Variants in CHLSN observed in about 807,000 individuals in gnomAD.
The protein encoded by CHLSN is protein cholesin.
chr7:1,065,090 C>A, the CHLSN span, among the ~76,000 whole-genome samples: 1 of 152,210 alleles, frequency 6.6e-6, no homozygotes, highest in South Asian at 2.1e-4. Context: ...AGGCCCTGGG[C>A]AGGAGGAAAC....
chr7:996,825 G>A, the CHLSN span, among the ~76,000 whole-genome samples: 1,987 of 152,346 alleles, frequency 0.013, 23 homozygotes, highest in Non-Finnish European at 0.021. Flanking sequence ...GGAAACGGCC[G>A]GCCTGAACGC....
chr7:1,049,073 G>A, the CHLSN span, among the ~76,000 whole-genome samples: 3 of 152,204 alleles, frequency 2.0e-5, no homozygotes, highest in Non-Finnish European at 2.9e-5. Flanking sequence ...GGCCTCCGCG[G>A]TCTGACCCTG....
chr7:1,062,279 A>C, the CHLSN span, among the ~76,000 whole-genome samples: 5 of 148,930 alleles, frequency 3.4e-5, no homozygotes, highest in Middle Eastern at 3.6e-3. Flanking sequence ...GAGATCAGGA[A>C]ATCTACACAC....
the CHLSN span, chr7:986,740 C>T: frequency 2.2e-5 from 36 of 1,609,116 alleles, no homozygotes; most frequent in East Asian, 2.7e-4. Context: ...GGAGGCCCCA[C>T]GTGTGCCCGG....
At chr7:1,008,966 T>C in the CHLSN span, among the ~76,000 whole-genome samples, 1 of 150,218 alleles carries the variant, frequency 6.7e-6, no homozygotes, top group African/African-American at 2.5e-5. Context: ...CGAACACACA[T>C]GCGTGCACAC....
chr7:1,014,237 G>T, the CHLSN span, among the ~76,000 whole-genome samples: 1 of 152,270 alleles, frequency 6.6e-6, no homozygotes, highest in African/African-American at 2.4e-5. Flanking sequence ...GCACCTTCCA[G>T]AGAAGAGAGC....
At chr7:1,010,162 A>G in the CHLSN span, 4 of 1,597,316 alleles carry the variant, frequency 2.5e-6, no homozygotes, top group Non-Finnish European at 3.4e-6. Context: ...CAAGGAACAC[A>G]TTAGGCTTCG....
At chr7:1,120,440 C>T in the CHLSN span, among the ~76,000 whole-genome samples, 9 of 152,096 alleles carry the variant, frequency 5.9e-5, no homozygotes, top group African/African-American at 9.7e-5. Flanking sequence ...TACAGGTGCA[C>T]GCCACCATGC....
At chr7:1,113,051 C>T in the CHLSN span, among the ~76,000 whole-genome samples, 7 of 152,170 alleles carry the variant, frequency 4.6e-5, no homozygotes, top group African/African-American at 1.4e-4. Flanking sequence ...GTATCTTGAC[C>T]GCCACAGTGG....
At chr7:981,508 G>A in the CHLSN span, among the ~76,000 whole-genome samples, 1 of 151,564 alleles carries the variant, frequency 6.6e-6, no homozygotes, top group Admixed American at 6.6e-5. Context: ...GAGGTCAAGA[G>A]ATCGAGACTG....
chr7:984,871 G>GC, the CHLSN span: 7 of 1,502,972 alleles, frequency 4.7e-6, no homozygotes, highest in Non-Finnish European at 5.3e-6. Context: ...CTGTCAGCCT[G>GC]CTCACTTCCT....
chr7:1,106,507 G>C, the CHLSN span, among the ~76,000 whole-genome samples: 4 of 151,650 alleles, frequency 2.6e-5, no homozygotes, highest in Admixed American at 1.3e-4. Context: ...GGCTGGAGGG[G>C]CCGAGAGCTT....
chr7:1,121,919 G>A, the CHLSN span, among the ~76,000 whole-genome samples: 49 of 150,634 alleles, frequency 3.3e-4, 1 homozygote, highest in Admixed American at 1.8e-3. Flanking sequence ...ACAGGGCAGC[G>A]TGCTGCACCC....
chr7:1,068,222 A>G, the CHLSN span, among the ~76,000 whole-genome samples: 1 of 152,026 alleles, frequency 6.6e-6, no homozygotes, highest in Non-Finnish European at 1.5e-5. Flanking sequence ...AGTGTGTCAC[A>G]TGTCCCCAGT....
chr7:1,035,661 C>A, the CHLSN span, among the ~76,000 whole-genome samples: 21 of 152,186 alleles, frequency 1.4e-4, no homozygotes, highest in Non-Finnish European at 2.9e-4. Flanking sequence ...GGATGTGGAG[C>A]AACAGGAATG....
chr7:1,078,647 C>T, the CHLSN span, among the ~76,000 whole-genome samples: 11 of 152,344 alleles, frequency 7.2e-5, no homozygotes, highest in East Asian at 5.8e-4. Context: ...AATGCACTCC[C>T]GGGGGGTTGG....
At chr7:1,043,091 C>CAAA in the CHLSN span, among the ~76,000 whole-genome samples, 3 of 135,182 alleles carry the variant, frequency 2.2e-5, no homozygotes, top group African/African-American at 8.3e-5. Flanking sequence ...ATCTCTACTA[C>CAAA]AAAAAAAAAA....
the CHLSN span, among the ~76,000 whole-genome samples, chr7:987,933 T>TGGGGGGGTTCCCCTGTGTGTCCTG: frequency 7.4e-6 from 1 of 135,684 alleles, no homozygotes; most frequent in African/African-American, 3.0e-5. Context: ...CTGTGTGTCC[T>TGGGGGGGTTCCCCTGTGTGTCCTG]GGGGGGGTCC....
At chr7:1,099,291 C>A in the CHLSN span, among the ~76,000 whole-genome samples, 1 of 152,264 alleles carries the variant, frequency 6.6e-6, no homozygotes. Flanking sequence ...TCTCTGCAGA[C>A]CAATTCTGTC....
Sources: allele counts gnomAD v4.1 joint callset (sites outside exome capture counted in the v4.1 genomes callset), GRCh38; gene constraint gnomAD v4.1.1; transcripts MANE v1.5; gene names NCBI Gene and HGNC (gene_info 2026-07-23, HGNC 2026-07-21).